Variants in SULF1 observed in about 807,000 individuals in gnomAD.
SULF1 encodes sulfatase 1.
In SULF1, 46 loss-of-function variants were observed where a neutral mutation model predicts 110.5. The observed-to-expected ratio is 0.42, with a 90% CI of 0.33 to 0.53. The LOEUF is 0.53. SULF1 is among the 20% of genes least tolerant of loss of function. SULF1 has a pLI of 0.12. For missense variants in SULF1, 941 were observed against 1,094.2 expected, an observed-to-expected ratio of 0.86 and a Z score of 1.98; for synonymous variants, 371 against 387.1, an observed-to-expected ratio of 0.96 and a Z score of 0.49.
intron 5 of SULF1, among the ~76,000 whole-genome samples, chr8:69,570,080 C>G (rs1805116389): frequency 6.6e-6 from 1 of 152,106 alleles, no homozygotes; most frequent in Non-Finnish European, 1.5e-5. Context: ...AGGGAAGTAC[C>G]TAATACAAAC....
intron 2 of SULF1, among the ~76,000 whole-genome samples, chr8:69,501,217 TATA>T (rs1272694013): frequency 6.8e-6 from 1 of 146,302 alleles, no homozygotes; most frequent in African/African-American, 2.8e-5. Flanking sequence ...TATTCTATCT[TATA>T]TTATGTTCTC....
At position 69,482,713 on chromosome 8, in the gene SULF1, C is replaced by T. The variant is rs772150413; in HGVS notation, c.-390-13052C>T. Among the ~76,000 whole-genome samples the T allele has an allele frequency of 2.0e-4, 31 of 151,870 alleles. 1 individual carries two copies. Among genetic ancestry groups the T allele is most frequent in the Admixed American group, 8.5e-4 (13 of 15,254 alleles). ...CTTTCTACTATTCTTCCAGCTTTTC[C>T]GTAAGTTTGAAATTATTTTCAAATA... On this transcript the variant is annotated intron_variant, in intron 1 of 22. Transcript: ENST00000260128.
At chr8:69,474,221 G>A (rs1809207138) in intron 1 of SULF1, among the ~76,000 whole-genome samples, 1 of 152,146 alleles carries the variant, frequency 6.6e-6, no homozygotes, top group South Asian at 2.1e-4. Context: ...CAGAATTATG[G>A]TGGGAAAAGA....
chr8:69,489,853 C>T (rs545372533), upstream of SULF1, among the ~76,000 whole-genome samples: 3 of 151,902 alleles, frequency 2.0e-5, no homozygotes, highest in Non-Finnish European at 2.9e-5. Context: ...CCCCGCCTTC[C>T]GTTTTTCAAG....
chr8:69,549,133 G>A (rs899262806), intron 3 of SULF1, among the ~76,000 whole-genome samples: 2 of 152,104 alleles, frequency 1.3e-5, no homozygotes, highest in African/African-American at 2.4e-5. Flanking sequence ...TCCTGCTCCT[G>A]CCATGGCAAT....
chr8:69,600,170 T>C (rs1251918809), intron 8 of SULF1, among the ~76,000 whole-genome samples: 1 of 152,146 alleles, frequency 6.6e-6, no homozygotes, highest in Non-Finnish European at 1.5e-5. Flanking sequence ...TGATTCATCA[T>C]TCCACATAAC....
chr8:69,547,519 T>A (rs1231348954), intron 3 of SULF1, among the ~76,000 whole-genome samples: 1 of 152,222 alleles, frequency 6.6e-6, no homozygotes, highest in African/African-American at 2.4e-5. Flanking sequence ...GACTTTCATC[T>A]ACCTTGACTG....
At chr8:69,631,146 G>A (rs746529553) in intron 19 of SULF1, among the ~76,000 whole-genome samples, 1 of 152,182 alleles carries the variant, frequency 6.6e-6, no homozygotes, top group Non-Finnish European at 1.5e-5. Context: ...CAGGCAGAGG[G>A]AACAGTGCAA....
chr8:69,582,801 G>A (rs372453210), intron 6 of SULF1, among the ~76,000 whole-genome samples: 4 of 152,146 alleles, frequency 2.6e-5, no homozygotes, highest in East Asian at 1.9e-4. Context: ...GGAAACAATC[G>A]CTTTTGAACG....
rs201229545 is a variant in SULF1, at chr8:69,623,992, G to A, written c.1645G>A (p.Glu549Lys). ...HTRQTRSLSV[E>K]FEGEIYDINL... is the part of the protein sequence containing the mutation. ...TCGGCAGACACGTTCCTTGTCCGTCGAATTTGAAGGTGAAATATATGACAT... is the reference window on the plus strand; with the variant it reads ...TCGGCAGACACGTTCCTTGTCCGTCAAATTTGAAGGTGAAATATATGACAT... Residue 549 changes from glutamate (E) to lysine (K), a missense_variant, in exon 15 of 23, where the codon GAA (glutamate) becomes AAA (lysine). Glu to Lys is a moderately conservative substitution (Grantham distance 56). Around this residue, in one of 3 missense-constraint regions of SULF1, gnomAD observed 822 missense variants for 934.3 expected, o/e 0.88. Transcript: ENST00000402687. 19 of 1,614,128 alleles carry A rather than the reference G, an allele frequency of 1.2e-5. No homozygotes were observed. In the African/African-American group the frequency reaches 1.3e-4, roughly 11 times the overall value.
chr8:69,563,426 T>C (rs1815650508), intron 3 of SULF1, 113 bp from the exon 4 acceptor site: 2 of 152,294 alleles, frequency 1.3e-5, no homozygotes, highest in African/African-American at 2.4e-5. Context: ...AGAAAAAATA[T>C]ATGTAATATA....
At chr8:69,585,464 GCTT>G (rs1192462456) in intron 6 of SULF1, among the ~76,000 whole-genome samples, 1 of 152,050 alleles carries the variant, frequency 6.6e-6, no homozygotes, top group African/African-American at 2.4e-5. Context: ...TGGAATCCCA[GCTT>G]CTTCTTTGCT....
chr8:69,467,006 G>A (rs1012370732), intron 1 of SULF1: 8 of 152,062 alleles, frequency 5.3e-5, no homozygotes, highest in African/African-American at 1.9e-4. Flanking sequence ...GCATAGTTTT[G>A]AATGGAATGC....
intron 3 of SULF1, among the ~76,000 whole-genome samples, chr8:69,557,625 T>C (rs572554971): frequency 6.7e-6 from 1 of 149,938 alleles, no homozygotes; most frequent in East Asian, 1.9e-4. Context: ...TATTTATTTC[T>C]ATGTTTTGTA....
chr8:69,561,448 C>T lies in SULF1; in HGVS notation c.-133-2091C>T, dbSNP rs187037055. On this transcript the variant is annotated intron_variant, in intron 3 of 22. Coordinates refer to ENST00000402687, the MANE Select transcript of SULF1 (RefSeq NM_001128205.2). ...CAAAGGTATCATTAAAGCTAATTTG[C>T]TTTTTCCTAAAGGAAGAAGTAAAGT... is the stretch of plus-strand genomic sequence containing the variant. Among the ~76,000 whole-genome samples, 910 of 152,212 alleles carry T rather than the reference C, an allele frequency of 6.0e-3. 8 individuals are homozygous for T. Among genetic ancestry groups the T allele is most frequent in the African/African-American group, 0.02 (811 of 41,508 alleles).
intron 3 of SULF1, among the ~76,000 whole-genome samples, chr8:69,508,949 T>G (rs529196162): frequency 5.2e-4 from 79 of 152,326 alleles, no homozygotes; most frequent in African/African-American, 1.7e-3. Flanking sequence ...TAATGACTCA[T>G]AGGATTCTTC....
At chr8:69,620,336 T>G (rs1232160174) in intron 13 of SULF1, among the ~76,000 whole-genome samples, 1 of 152,170 alleles carries the variant, frequency 6.6e-6, no homozygotes, top group African/African-American at 2.4e-5. Context: ...AAACAACTTT[T>G]GGGGTGCAAA....
At chr8:69,609,481 C>T (rs183056448) in intron 13 of SULF1, among the ~76,000 whole-genome samples, 1 of 152,252 alleles carries the variant, frequency 6.6e-6, no homozygotes, top group South Asian at 2.1e-4. Context: ...TATTTTTTAA[C>T]GAGGTTAAGA....
At chr8:69,487,249 A>G in intron 1 of SULF1, among the ~76,000 whole-genome samples, 1 of 152,224 alleles carries the variant, frequency 6.6e-6, no homozygotes, top group East Asian at 1.9e-4. Context: ...AGGATAAATG[A>G]TTTCACATTT....
Sources: gnomAD v4.1 joint callset for allele counts (sites outside exome capture counted in the v4.1 genomes callset) on GRCh38, gnomAD v4.1.1 for gene constraint, gnomAD v4.1.1 regional missense constraint, MANE v1.5 for transcripts, NCBI Gene and HGNC (gene_info 2026-07-23, HGNC 2026-07-21) for gene names.